Variants in QKI observed in about 807,000 individuals in gnomAD.
The protein encoded by QKI is KH domain-containing RNA-binding protein QKI.
Under a neutral mutation model 39.0 loss-of-function variants are expected in QKI, and 10 were observed. The observed-to-expected ratio is 0.26, with a 90% CI of 0.16 to 0.43. The LOEUF (loss-of-function observed/expected upper bound fraction) is 0.43. Ranked by LOEUF, QKI falls within the 20% of genes least tolerant of loss-of-function variation. QKI has a pLI of 1.00. For synonymous variants in QKI, 204 were observed against 155.4 expected, an observed-to-expected ratio of 1.31 and a Z score of -2.33; for missense variants, 218 against 428.0, an observed-to-expected ratio of 0.51 and a Z score of 4.33.
chr6:163,541,753 C>T (rs1459904284), intron 4 of QKI, among the ~76,000 whole-genome samples: 1 of 151,816 alleles, frequency 6.6e-6, no homozygotes, highest in Non-Finnish European at 1.5e-5. Flanking sequence ...ATGATAGTAA[C>T]TTTTTCCTTC....
At chr6:163,429,715 C>T (rs918787961) in intron 1 of QKI, among the ~76,000 whole-genome samples, 8 of 152,074 alleles carry the variant, frequency 5.3e-5, no homozygotes, top group East Asian at 3.8e-4. Flanking sequence ...TAGGATGCAA[C>T]GTGATTTTCG....
At chr6:163,488,200 C>T (rs1777797419) in intron 3 of QKI, among the ~76,000 whole-genome samples, 1 of 152,082 alleles carries the variant, frequency 6.6e-6, no homozygotes, top group Non-Finnish European at 1.5e-5. Flanking sequence ...TCAACATAAT[C>T]CTAGTAGATG....
Position 163,518,185 on chromosome 6 carries a change from G to A in QKI, c.403-16797G>A, listed in dbSNP as rs536497957. On this transcript the variant is annotated intron_variant, in intron 3 of 7. Coordinates refer to ENST00000361752, the MANE Select transcript of QKI (RefSeq NM_006775.3). The stretch of plus-strand genomic sequence containing the variant: ...GAAAAAAGCTATAGAAGCTGGCTAG[G>A]GAAATCTTGTTTTTCAGGAAAAACT... Among the ~76,000 whole-genome samples, 5 of 152,200 alleles carry A rather than the reference G, an allele frequency of 3.3e-5. No individual in the cohort carries two copies. In the South Asian group the frequency reaches 1.0e-3, roughly 32 times the overall value.
intron 1 of QKI, among the ~76,000 whole-genome samples, chr6:163,444,458 AG>A (rs1203665871): frequency 6.6e-6 from 1 of 152,170 alleles, no homozygotes; most frequent in African/African-American, 2.4e-5. Context: ...TTTTATAGAA[AG>A]GTCATTGTTT....
At chr6:163,433,250 A>G (rs1788978261) in intron 1 of QKI, among the ~76,000 whole-genome samples, 1 of 152,170 alleles carries the variant, frequency 6.6e-6, no homozygotes, top group South Asian at 2.1e-4. Flanking sequence ...CCACATTTGA[A>G]TGTTACATTA....
chr6:163,517,401 T>C (rs1263597579), intron 3 of QKI, among the ~76,000 whole-genome samples: 1 of 151,946 alleles, frequency 6.6e-6, no homozygotes, highest in Non-Finnish European at 1.5e-5. Context: ...GTATCTAGAG[T>C]GGTTTTTTGT....
rs1782593627 is a variant in QKI at position 163,556,185 on chromosome 6, ACCT to A, written c.547-5796_547-5794del. ...CAATGTATAAATTACATTAAACGTG[ACCT>A]GTTTGTATCCTTTTAACATAGCTGT... is the stretch of plus-strand genomic sequence containing the variant. On this transcript the variant is annotated intron_variant, in intron 4 of 7. Transcript: ENST00000361752. Among the ~76,000 whole-genome samples the A allele has an allele frequency of 2.0e-5, 3 of 152,298 alleles. No individual in the cohort carries two copies. The South Asian group carries it at 6.2e-4, about 32-fold the overall frequency.
chr6:163,568,979 CAGAAA>C (rs1319231910), intron 7 of QKI: 1 of 985,948 alleles, frequency 1.0e-6, no homozygotes, highest in Non-Finnish European at 1.2e-6. Flanking sequence ...ATTCCACACT[CAGAAA>C]AGAAGTCAGA....
chr6:163,566,836 TG>T (rs760251879), intron 7 of QKI, 41 bp downstream of exon 7: 14 of 1,603,158 alleles, frequency 8.7e-6, no homozygotes, highest in Non-Finnish European at 1.2e-5. Flanking sequence ...AGAAATGCGT[TG>T]GGTGTCCATA....
chr6:163,541,468 A>G lies in QKI; in HGVS notation c.546+6343A>G, dbSNP rs75854670. On this transcript the variant is annotated intron_variant, in intron 4 of 7. Coordinates refer to ENST00000361752, the MANE Select transcript of QKI (RefSeq NM_006775.3). ...TATTGTTTATAGATGAAGATAGTTGAAAGCACTCAGATCTTCTCCTATGTC... is the reference window on the plus strand; with the variant it reads ...TATTGTTTATAGATGAAGATAGTTGGAAGCACTCAGATCTTCTCCTATGTC... Among the ~76,000 whole-genome samples the G allele has an allele frequency of 0.013, 2,013 of 150,480 alleles. 160 individuals carry two copies. In the East Asian group the frequency reaches 0.22, roughly 17 times the overall value.
chr6:163,540,678 A>G (rs1380130895), intron 4 of QKI, among the ~76,000 whole-genome samples: 1 of 152,154 alleles, frequency 6.6e-6, no homozygotes, highest in Non-Finnish European at 1.5e-5. Flanking sequence ...GTAGAATCAA[A>G]TAATATTTTA....
rs778255520 is a variant in QKI at position 163,563,708 on chromosome 6, G to T, written c.923G>T (p.Ser308Ile). The T allele has an allele frequency of 6.2e-7, 1 of 1,613,502 alleles. No homozygotes were observed. The highest frequency in any genetic ancestry group is 8.5e-7 in the Non-Finnish European group (1 of 1,179,538). The change falls in exon 6 of 8, where the codon AGT (serine) becomes ATT (isoleucine). Residue 308 changes from serine to isoleucine, a missense_variant. Transcript: ENST00000361752. ...TSILEYPIEPSGVLGAVATKV... is the reference protein window; with the variant it reads ...TSILEYPIEPIGVLGAVATKV... ...ATCCTTGAGTATCCTATTGAACCTA[G>T]TGGTGTATTAGGTAAGTTCTTCTCC... is the stretch of plus-strand genomic sequence containing the variant.
intron 3 of QKI, among the ~76,000 whole-genome samples, chr6:163,504,206 C>T (rs1021361327): frequency 6.6e-6 from 1 of 152,036 alleles, no homozygotes; most frequent in Admixed American, 6.6e-5. Context: ...TATTCTGTTC[C>T]ATTGGTCTTT....
chr6:163,422,975 A>G (rs1307959105), intron 1 of QKI, among the ~76,000 whole-genome samples: 1 of 152,244 alleles, frequency 6.6e-6, no homozygotes, highest in East Asian at 1.9e-4. Flanking sequence ...AGGGAAATGC[A>G]TAGTAAGAAA....
intron 4 of QKI, among the ~76,000 whole-genome samples, chr6:163,546,095 CATT>C (rs972798407): frequency 3.4e-4 from 51 of 149,024 alleles, no homozygotes; most frequent in African/African-American, 1.2e-3. Context: ...TGGGATAATG[CATT>C]TTAGTGTTTG....
intron 3 of QKI, among the ~76,000 whole-genome samples, chr6:163,503,899 C>A (rs374384249): frequency 6.6e-6 from 1 of 151,830 alleles, no homozygotes; most frequent in Non-Finnish European, 1.5e-5. Context: ...ACCACCACAC[C>A]GGGCTAATTT....
At chr6:163,442,114 T>G (rs1366749052) in intron 1 of QKI, among the ~76,000 whole-genome samples, 1 of 152,216 alleles carries the variant, frequency 6.6e-6, no homozygotes, top group Non-Finnish European at 1.5e-5. Flanking sequence ...CTATGTGATA[T>G]TGCAACAGAT....
At chr6:163,417,299 G>T (rs1787603172) in intron 1 of QKI, among the ~76,000 whole-genome samples, 1 of 151,880 alleles carries the variant, frequency 6.6e-6, no homozygotes, top group South Asian at 2.1e-4. Context: ...CTTTATCGAC[G>T]ATAAAATGAA....
intron 2 of QKI, among the ~76,000 whole-genome samples, chr6:163,473,009 TGAA>T (rs1403853181): frequency 6.6e-6 from 1 of 152,032 alleles, no homozygotes; most frequent in Non-Finnish European, 1.5e-5. Context: ...AGGAAATAAA[TGAA>T]GAGTAGAAAT....
Sources: allele counts gnomAD v4.1 joint callset (sites outside exome capture counted in the v4.1 genomes callset), GRCh38; gene constraint gnomAD v4.1.1; transcripts MANE v1.5; gene names NCBI Gene and HGNC (gene_info 2026-07-23, HGNC 2026-07-21).